The following NT5M variants were observed in gnomAD, a reference collection of about 807,000 sequenced individuals.
NT5M encodes the protein 5',3'-nucleotidase, mitochondrial, also known as 5'(3')-deoxyribonucleotidase, mitochondrial.
NT5M carries 22 observed loss-of-function variants against 22.2 expected under a neutral mutation model. That is an observed-to-expected ratio of 0.99 (90% CI 0.71 to 1.41). The LOEUF (loss-of-function observed/expected upper bound fraction) is 1.41, where lower values mean the gene tolerates loss of function less well. Ranked by LOEUF, NT5M falls within the 40% of genes most tolerant of loss-of-function variation. The pLI, the probability that NT5M is intolerant of heterozygous loss-of-function variation, is 0.00. For missense variants in NT5M, 322 were observed against 314.8 expected, an observed-to-expected ratio of 1.02 and a Z score of -0.17; for synonymous variants, 167 against 133.0, an observed-to-expected ratio of 1.26 and a Z score of -1.76.
Position 17,306,614 on chromosome 17 carries a change from A to G in NT5M, c.339A>G (p.Glu113=). The part of the protein sequence containing the change: ...FELEPLPGAV[E]AVKEMASLQN... ...TTGAGCCTCTGCCAGGGGCCGTGGA[A>G]GCTGTCAAGGAGATGGCCAGCCTAC... The change falls in exon 2 of 5, where the codon GAA becomes GAG. Residue 113 remains glutamate (E), a synonymous_variant. Coordinates refer to ENST00000389022, the MANE Select transcript of NT5M (RefSeq NM_020201.4). 1.9e-6 allele frequency: 3 copies of G among 1,613,970 alleles called. No individual in the cohort carries two copies. Among genetic ancestry groups the G allele is most frequent in the Non-Finnish European group, 2.5e-6 (3 of 1,179,922 alleles).
chr17:17,333,739 C>G (rs1027385127), intron 3 of NT5M, among the ~76,000 whole-genome samples: 5 of 152,194 alleles, frequency 3.3e-5, no homozygotes, highest in African/African-American at 1.2e-4. Flanking sequence ...TCACTGCAAC[C>G]TCCGCCTCCC....
At chr17:17,338,640 A>G (rs1044849539) in intron 3 of NT5M, among the ~76,000 whole-genome samples, 5 of 102,058 alleles carry the variant, frequency 4.9e-5, no homozygotes, top group East Asian at 3.9e-4. Context: ...AGCTCTGGCT[A>G]TTCTGGAATT....
chr17:17,314,126 C>T (rs554833932), intron 2 of NT5M, among the ~76,000 whole-genome samples: 7 of 151,808 alleles, frequency 4.6e-5, no homozygotes, highest in Non-Finnish European at 7.4e-5. Flanking sequence ...CTCCGCCTCC[C>T]GGGTTCAAGT....
intron 2 of NT5M, among the ~76,000 whole-genome samples, chr17:17,316,140 C>A (rs532336271): frequency 1.3e-5 from 2 of 150,590 alleles, no homozygotes; most frequent in Non-Finnish European, 2.9e-5. Context: ...CTACTACAAC[C>A]TGTATCTCCC....
At chr17:17,303,954 A>C in intron 1 of NT5M, 137 bp downstream of exon 1, 1 of 1,263,568 alleles carries the variant, frequency 7.9e-7, no homozygotes. Context: ...TCTGGGGGGG[A>C]CTAGGGGCCA....
At chr17:17,317,055 GT>G (rs34446504) in intron 2 of NT5M, among the ~76,000 whole-genome samples, 147 of 132,210 alleles carry the variant, frequency 1.1e-3, no homozygotes, top group Non-Finnish European at 2.0e-3. Flanking sequence ...TTTTGTTTTT[GT>G]TTTTTTTTTT....
intron 2 of NT5M, among the ~76,000 whole-genome samples, chr17:17,320,369 G>A (rs1450068787): frequency 2.0e-5 from 3 of 152,090 alleles, no homozygotes; most frequent in Non-Finnish European, 4.4e-5. Flanking sequence ...ACTAGGGTGA[G>A]GTCTGTGGAG....
At chr17:17,322,226 G>A (rs1048383071) in intron 2 of NT5M, among the ~76,000 whole-genome samples, 1 of 152,152 alleles carries the variant, frequency 6.6e-6, no homozygotes, top group African/African-American at 2.4e-5. Context: ...GGGGTGTGCT[G>A]TCGAGTGTGG....
At chr17:17,318,975 C>T (rs902424017) in intron 2 of NT5M, among the ~76,000 whole-genome samples, 3 of 151,688 alleles carry the variant, frequency 2.0e-5, no homozygotes, top group Non-Finnish European at 4.4e-5. Context: ...CTTTGGGAGG[C>T]CGAGGCACGT....
intron 3 of NT5M, among the ~76,000 whole-genome samples, chr17:17,330,311 C>CA (rs892453780): frequency 1.1e-3 from 144 of 131,914 alleles, no homozygotes; most frequent in Middle Eastern, 3.7e-3. Flanking sequence ...AAAAAAAAAA[C>CA]AAAAAAAAAA....
chr17:17,345,652 C>CAAAAAA (rs2049743997), intron 4 of NT5M, among the ~76,000 whole-genome samples: 1 of 128,642 alleles, frequency 7.8e-6, no homozygotes, highest in South Asian at 2.5e-4. Flanking sequence ...AAAAAAAAAA[C>CAAAAAA]ACAAAAAAAT....
chr17:17,320,810 G>T (rs1050777954), intron 2 of NT5M, among the ~76,000 whole-genome samples: 1 of 152,170 alleles, frequency 6.6e-6, no homozygotes, highest in African/African-American at 2.4e-5. Flanking sequence ...GGCCAGGAGC[G>T]CAGGCTAGGA....
chr17:17,304,572 C>A, intron 1 of NT5M: 1 of 317,702 alleles, frequency 3.1e-6, no homozygotes, highest in Non-Finnish European at 4.6e-6. Flanking sequence ...CCTTGATTGG[C>A]CACCTAGGGT....
At chr17:17,315,744 G>GTTTTTTTTTTT (rs1173004367) in intron 2 of NT5M, among the ~76,000 whole-genome samples, 2 of 67,754 alleles carry the variant, frequency 3.0e-5, no homozygotes, top group Non-Finnish European at 2.7e-5. Flanking sequence ...CTAACTTAGG[G>GTTTTTTTTTTT]TTTTTTTGTT....
intron 4 of NT5M, among the ~76,000 whole-genome samples, chr17:17,346,362 G>A (rs1434504134): frequency 6.6e-6 from 1 of 152,238 alleles, no homozygotes; most frequent in Non-Finnish European, 1.5e-5. Context: ...GTGATCAGCG[G>A]CTGGTGAGCT....
At chr17:17,333,153 A>G (rs1204769301) in intron 3 of NT5M, among the ~76,000 whole-genome samples, 1 of 152,168 alleles carries the variant, frequency 6.6e-6, no homozygotes, top group East Asian at 1.9e-4. Context: ...TATTTTCTGT[A>G]ACGAAATGTT....
chr17:17,337,404 AT>A (rs112137876), intron 3 of NT5M, among the ~76,000 whole-genome samples: 9,636 of 142,280 alleles, frequency 0.068, 451 homozygotes, highest in African/African-American at 0.13. Context: ...ACCAAGCCTA[AT>A]TTTTTTTTTT....
At chr17:17,344,100 G>T (rs242242) in intron 3 of NT5M, among the ~76,000 whole-genome samples, 1 of 152,104 alleles carries the variant, frequency 6.6e-6, no homozygotes, top group South Asian at 2.1e-4. Context: ...GCCAGGCCCC[G>T]GTCTGCTCCC....
intron 3 of NT5M, among the ~76,000 whole-genome samples, chr17:17,343,384 G>A (rs1456544420): frequency 6.6e-6 from 1 of 152,222 alleles, no homozygotes; most frequent in Non-Finnish European, 1.5e-5. Context: ...GTGGGTGGGC[G>A]TGGCAAGCGA....
Sources: allele counts gnomAD v4.1 joint callset (sites outside exome capture counted in the v4.1 genomes callset), GRCh38; gene constraint gnomAD v4.1.1; transcripts MANE v1.5; gene names NCBI Gene and HGNC (gene_info 2026-07-23, HGNC 2026-07-21).